Variants in IMMP2L observed in about 807,000 individuals in gnomAD.
IMMP2L encodes mitochondrial inner membrane protease subunit 2.
In IMMP2L, 18 loss-of-function variants were observed where a neutral mutation model predicts 19.3. The observed-to-expected ratio is 0.93, with a 90% confidence interval of 0.64 to 1.38. The LOEUF is 1.38. Among genes scored for constraint, IMMP2L ranks in the 40% most tolerant of loss-of-function variants. The pLI is 0.00. For synonymous variants in IMMP2L, 76 were observed against 73.0 expected (o/e 1.04, Z -0.21); for missense variants, 233 against 218.2 (o/e 1.07, Z -0.43).
intron 1 of IMMP2L, among the ~76,000 whole-genome samples, chr7:111,522,239 A>C (rs1266056883): frequency 2.0e-5 from 3 of 152,028 alleles, no homozygotes; most frequent in Admixed American, 6.6e-5. Flanking sequence ...TCTGTCACCC[A>C]AGCTGGAGTC....
intron 3 of IMMP2L, among the ~76,000 whole-genome samples, chr7:111,365,017 C>T (rs1829636704): frequency 2.0e-5 from 3 of 151,662 alleles, no homozygotes; most frequent in Non-Finnish European, 4.4e-5. Flanking sequence ...ATAAAAATTG[C>T]TTATTTTATT....
chr7:111,215,345 C>T (rs1437290124), intron 3 of IMMP2L, among the ~76,000 whole-genome samples: 5 of 152,084 alleles, frequency 3.3e-5, no homozygotes, highest in Admixed American at 1.3e-4. Context: ...GTATTACACT[C>T]GAATCTGAAT....
intron 3 of IMMP2L, among the ~76,000 whole-genome samples, chr7:111,431,415 A>G (rs907624112): frequency 4.0e-5 from 6 of 151,868 alleles, no homozygotes; most frequent in Non-Finnish European, 8.8e-5. Flanking sequence ...TATTTTACAC[A>G]TTCCTTTTAT....
chr7:110,780,572 C>T (rs1799669881), intron 5 of IMMP2L, among the ~76,000 whole-genome samples: 1 of 151,678 alleles, frequency 6.6e-6, no homozygotes, highest in Non-Finnish European at 1.5e-5. Context: ...ACCCTGCTTG[C>T]CTGATCTCTC....
intron 3 of IMMP2L, among the ~76,000 whole-genome samples, chr7:111,409,375 G>C (rs1048357190): frequency 6.6e-6 from 1 of 151,448 alleles, no homozygotes; most frequent in Non-Finnish European, 1.5e-5. Context: ...AGTCCCCATG[G>C]ATAACATATA....
At chr7:111,327,889 T>C (rs1005651770) in intron 3 of IMMP2L, among the ~76,000 whole-genome samples, 19 of 151,674 alleles carry the variant, frequency 1.3e-4, no homozygotes, top group African/African-American at 4.6e-4. Flanking sequence ...GATTTCAGTG[T>C]GGAAATGAGG....
At chr7:111,547,010 G>A (rs539273530) in intron 1 of IMMP2L, among the ~76,000 whole-genome samples, 1 of 152,124 alleles carries the variant, frequency 6.6e-6, no homozygotes, top group Admixed American at 6.5e-5. Context: ...GGCAAGCAGA[G>A]CCAGGTAGGA....
intron 4 of IMMP2L, among the ~76,000 whole-genome samples, chr7:110,913,222 A>T (rs1813244921): frequency 6.6e-6 from 1 of 152,162 alleles, no homozygotes; most frequent in African/African-American, 2.4e-5. Flanking sequence ...GGTACTGGAC[A>T]ATAGGTAAGA....
chr7:111,168,960 T>C (rs1281855207), intron 3 of IMMP2L, among the ~76,000 whole-genome samples: 1 of 151,856 alleles, frequency 6.6e-6, no homozygotes, highest in Non-Finnish European at 1.5e-5. Context: ...CTTCATGTAA[T>C]AGTGAAACAG....
In IMMP2L at chr7:111,171,069, T is replaced by C. The variant is rs575785153; in HGVS notation, c.240-207504A>G. Among the ~76,000 whole-genome samples, 14 of 151,930 alleles carry C rather than the reference T, an allele frequency of 9.2e-5. No homozygotes were observed. In the East Asian group the frequency reaches 2.5e-3, roughly 27 times the overall value. On this transcript the variant is annotated intron_variant, in intron 3 of 5. Transcript: ENST00000405709. ...GTTTGATTGTATTTCATAGGTTTAC[T>C]TTTACCTCTGAGAAATCAGTATAAA...
At chr7:110,715,253 G>T (rs1259463067) in intron 5 of IMMP2L, among the ~76,000 whole-genome samples, 1 of 151,902 alleles carries the variant, frequency 6.6e-6, no homozygotes, top group African/African-American at 2.4e-5. Context: ...GGATTTGGGG[G>T]TTTCAATTGC....
intron 5 of IMMP2L, among the ~76,000 whole-genome samples, chr7:110,759,826 G>A (rs946740131): frequency 6.6e-6 from 1 of 152,096 alleles, no homozygotes; most frequent in Non-Finnish European, 1.5e-5. Context: ...AATGAATTGA[G>A]TTTATGTTGT....
At chr7:111,483,012 G>C (rs1366641640) in intron 3 of IMMP2L, among the ~76,000 whole-genome samples, 1 of 152,052 alleles carries the variant, frequency 6.6e-6, no homozygotes, top group African/African-American at 2.4e-5. Context: ...CCCAAAAAAA[G>C]GACATTAGTG....
At chr7:110,810,538 T>A (rs1801965162) in intron 5 of IMMP2L, among the ~76,000 whole-genome samples, 1 of 152,052 alleles carries the variant, frequency 6.6e-6, no homozygotes, top group East Asian at 1.9e-4. Context: ...GTACTCTGGT[T>A]ATGGTAAGAA....
chr7:111,435,808 G>C (rs141059950), intron 3 of IMMP2L, among the ~76,000 whole-genome samples: 3 of 151,804 alleles, frequency 2.0e-5, no homozygotes, highest in Admixed American at 6.6e-5. Context: ...CTTTCATTTA[G>C]TTAGATCCAC....
At chr7:111,359,753 T>C (rs1002619102) in intron 3 of IMMP2L, among the ~76,000 whole-genome samples, 3 of 152,190 alleles carry the variant, frequency 2.0e-5, no homozygotes, top group Non-Finnish European at 2.9e-5. Flanking sequence ...TTTAATCTCT[T>C]TGTTACATAA....
intron 3 of IMMP2L, among the ~76,000 whole-genome samples, chr7:111,298,498 C>T (rs1821859205): frequency 6.6e-6 from 1 of 151,886 alleles, no homozygotes; most frequent in South Asian, 2.1e-4. Flanking sequence ...GCCTGTAATC[C>T]CAGCACTTTG....
chr7:111,042,837 G>A (rs1195187349), intron 3 of IMMP2L, among the ~76,000 whole-genome samples: 1 of 152,162 alleles, frequency 6.6e-6, no homozygotes, highest in Non-Finnish European at 1.5e-5. Context: ...GTATTCTGAT[G>A]CTAGGGAAAA....
chr7:110,979,184 T>C (rs1032280633), intron 3 of IMMP2L, among the ~76,000 whole-genome samples: 1 of 152,144 alleles, frequency 6.6e-6, no homozygotes, highest in Non-Finnish European at 1.5e-5. Context: ...AATATCCACA[T>C]GAATTTATAC....
Sources: allele counts gnomAD v4.1 joint callset (sites outside exome capture counted in the v4.1 genomes callset), GRCh38; gene constraint gnomAD v4.1.1; transcripts MANE v1.5; gene names NCBI Gene and HGNC (gene_info 2026-07-23, HGNC 2026-07-21).